The following ENTREP2 variants were observed in gnomAD, a reference collection of about 807,000 sequenced individuals.
The protein encoded by ENTREP2 is endosomal transmembrane epsin interactor 2.
chr15:29,525,716 G>A, the ENTREP2 span, among the ~76,000 whole-genome samples: 8 of 152,246 alleles, frequency 5.3e-5, no homozygotes, highest in Non-Finnish European at 1.2e-4. Context: ...CTGGTCAGTA[G>A]TTGGTGGCTG....
chr15:29,300,827 G>C, the ENTREP2 span, among the ~76,000 whole-genome samples: 1 of 152,182 alleles, frequency 6.6e-6, no homozygotes, highest in Non-Finnish European at 1.5e-5. Context: ...TCGATCTCTT[G>C]ACCTCGTGAT....
chr15:29,253,178 C>A, the ENTREP2 span, among the ~76,000 whole-genome samples: 2 of 152,286 alleles, frequency 1.3e-5, no homozygotes, highest in South Asian at 2.1e-4. Flanking sequence ...CACTTTGAAT[C>A]AGGCCACACA....
the ENTREP2 span, among the ~76,000 whole-genome samples, chr15:29,493,125 CT>C: frequency 2.9e-3 from 246 of 84,770 alleles, 14 homozygotes; most frequent in African/African-American, 0.012. Context: ...CCTGACAACC[CT>C]TTTTTTTTTT....
At chr15:29,126,241 G>A in the ENTREP2 span, 3 of 1,441,832 alleles carry the variant, frequency 2.1e-6, no homozygotes, top group East Asian at 7.6e-5. Context: ...ACACTCTGGG[G>A]ACATGGGTGA....
the ENTREP2 span, among the ~76,000 whole-genome samples, chr15:29,354,840 A>C: frequency 6.6e-6 from 1 of 152,196 alleles, no homozygotes; most frequent in Non-Finnish European, 1.5e-5. Context: ...AAAACTGGTA[A>C]AAATATTTTC....
chr15:29,356,755 T>C, the ENTREP2 span, among the ~76,000 whole-genome samples: 2 of 152,088 alleles, frequency 1.3e-5, no homozygotes, highest in Admixed American at 1.3e-4. Flanking sequence ...TGGAGGGATA[T>C]AGTATTCCAT....
the ENTREP2 span, among the ~76,000 whole-genome samples, chr15:29,671,675 C>T: frequency 6.6e-6 from 1 of 152,168 alleles, no homozygotes; most frequent in African/African-American, 2.4e-5. Context: ...TCATCTGGGT[C>T]CCAATGGGCC....
the ENTREP2 span, chr15:29,126,427 G>T: frequency 6.5e-7 from 1 of 1,549,940 alleles, no homozygotes; most frequent in East Asian, 2.4e-5. Context: ...GGCCATCGGG[G>T]GATGGGCTGG....
chr15:29,674,149 C>T, the ENTREP2 span, among the ~76,000 whole-genome samples: 9 of 129,324 alleles, frequency 7.0e-5, no homozygotes, highest in East Asian at 1.7e-3. Context: ...GGGGGCTTTG[C>T]CAGCAGTCAA....
the ENTREP2 span, among the ~76,000 whole-genome samples, chr15:29,447,118 G>A: frequency 6.6e-6 from 1 of 152,060 alleles, no homozygotes; most frequent in African/African-American, 2.4e-5. Context: ...CTTACAGCAA[G>A]CAAATTCCTT....
chr15:29,636,454 AGAGCCCAGTGCAGCT>A, the ENTREP2 span, among the ~76,000 whole-genome samples: 1 of 152,222 alleles, frequency 6.6e-6, no homozygotes, highest in Non-Finnish European at 1.5e-5. Flanking sequence ...CCTGCAGCTT[AGAGCCCAGTGCAGCT>A]GAGCCCAGTG....
the ENTREP2 span, among the ~76,000 whole-genome samples, chr15:29,334,614 A>C: frequency 6.7e-6 from 1 of 149,612 alleles, no homozygotes; most frequent in Non-Finnish European, 1.5e-5. Context: ...TAAGGTTAAC[A>C]CTGAAAAGGA....
the ENTREP2 span, chr15:29,234,309 T>G: frequency 1.2e-6 from 2 of 1,610,440 alleles, no homozygotes; most frequent in East Asian, 2.2e-5. Context: ...AAAAGATATA[T>G]GTAATCTGAA....
At chr15:29,573,662 T>C in the ENTREP2 span, among the ~76,000 whole-genome samples, 2 of 149,320 alleles carry the variant, frequency 1.3e-5, no homozygotes, top group African/African-American at 5.1e-5. Context: ...TCTCTCCCTC[T>C]CTCTCTCTCT....
chr15:29,149,628 G>A, the ENTREP2 span, among the ~76,000 whole-genome samples: 1 of 152,202 alleles, frequency 6.6e-6, no homozygotes, highest in African/African-American at 2.4e-5. Flanking sequence ...CAGGGCACAC[G>A]CTTCATCTTT....
chr15:29,621,283 G>A, the ENTREP2 span, among the ~76,000 whole-genome samples: 1 of 151,942 alleles, frequency 6.6e-6, no homozygotes, highest in South Asian at 2.1e-4. Flanking sequence ...CAGCACTATG[G>A]GAGGCCGAGA....
chr15:29,395,744 G>C, the ENTREP2 span, among the ~76,000 whole-genome samples: 1 of 151,802 alleles, frequency 6.6e-6, no homozygotes, highest in Non-Finnish European at 1.5e-5. Context: ...ACGTTGCCCA[G>C]GCTGGTCTTG....
the ENTREP2 span, among the ~76,000 whole-genome samples, chr15:29,270,862 G>C: frequency 6.6e-6 from 1 of 152,140 alleles, no homozygotes; most frequent in Non-Finnish European, 1.5e-5. Context: ...ATTTCCCTGT[G>C]TCTTTTTAAA....
the ENTREP2 span, among the ~76,000 whole-genome samples, chr15:29,188,784 C>G: frequency 6.6e-6 from 1 of 152,180 alleles, no homozygotes; most frequent in Non-Finnish European, 1.5e-5. Flanking sequence ...TTGGGGCTTT[C>G]AGCCCCACTC....
Sources: gnomAD v4.1 joint callset for allele counts (sites outside exome capture counted in the v4.1 genomes callset) on GRCh38, gnomAD v4.1.1 for gene constraint, MANE v1.5 for transcripts, NCBI Gene and HGNC (gene_info 2026-07-23, HGNC 2026-07-21) for gene names.